DMTF1: variants seen among roughly 807,000 people sequenced by gnomAD.
The protein encoded by DMTF1 is cyclin-D-binding Myb-like transcription factor 1.
A neutral mutation model predicts 91.1 loss-of-function variants in DMTF1; 39 were observed. That is an observed-to-expected ratio of 0.43 (90% CI 0.33 to 0.56). DMTF1 has a LOEUF of 0.56. Among genes scored for constraint, DMTF1 ranks in the 20% least tolerant of loss-of-function variants. The pLI is 0.05. For synonymous variants in DMTF1, 338 were observed against 309.5 expected (o/e 1.09, Z -0.97); for missense variants, 750 against 914.5 (o/e 0.82, Z 2.32).
rs765913374 is a variant in DMTF1 at position 87,188,262 on chromosome 7, A to G, written c.1372A>G (p.Met458Val). 4.3e-6 allele frequency: 7 copies of G among 1,613,794 alleles called. No homozygotes were observed. In the African/African-American group the frequency reaches 8.0e-5, roughly 18 times the overall value. The part of the protein sequence containing the change: ...EDNTAISSSP[M>V]AALQIPVQIT... The stretch of plus-strand genomic sequence containing the variant: ...TAATACAGCCATCTCTTCTAGCCCC[A>G]TGGCAGCATTGCAGATTCCAGTCCA... Residue 458 changes from methionine (M) to valine (V), a missense_variant, in exon 13 of 18, where the codon ATG becomes GTG. Coordinates refer to ENST00000331242, the MANE Select transcript of DMTF1 (RefSeq NM_001142327.2).
intron 1 of DMTF1, among the ~76,000 whole-genome samples, chr7:87,153,236 CTT>C: frequency 6.6e-6 from 1 of 152,218 alleles, no homozygotes; most frequent in East Asian, 1.9e-4. Context: ...GTCTGACTCT[CTT>C]TAAAGAAGGG....
At chr7:87,177,917 C>G (rs1796577361) in intron 7 of DMTF1, among the ~76,000 whole-genome samples, 1 of 152,118 alleles carries the variant, frequency 6.6e-6, no homozygotes, top group Non-Finnish European at 1.5e-5. Context: ...CTTCAGAAAT[C>G]CCAATATCTG....
intron 12 of DMTF1, chr7:87,186,252 G>A (rs1015134696): frequency 7.9e-6 from 3 of 381,696 alleles, no homozygotes; most frequent in Non-Finnish European, 1.4e-5. Flanking sequence ...GCCACATAAC[G>A]ATTTAATTTT....
At chr7:87,191,844 C>T (rs558361570) in intron 14 of DMTF1, among the ~76,000 whole-genome samples, 90 of 152,192 alleles carry the variant, frequency 5.9e-4, no homozygotes, top group African/African-American at 1.7e-3. Context: ...ATTCATATTT[C>T]CTTAAGAAAA....
intron 1 of DMTF1, among the ~76,000 whole-genome samples, chr7:87,153,802 C>T (rs2041859958): frequency 2.0e-5 from 3 of 152,042 alleles, no homozygotes; most frequent in Admixed American, 6.5e-5. Context: ...ATTTTTAATT[C>T]GTGGGAGAAA....
Position 87,165,065 on chromosome 7 carries a change from T to C in DMTF1, c.109+15T>C, listed in dbSNP as rs2129070059. 3.2e-6 allele frequency: 5 copies of C among 1,563,382 alleles called. No homozygotes were observed. In the East Asian group the frequency reaches 1.1e-4, roughly 35 times the overall value. On this transcript the variant is annotated intron_variant, in intron 3 of 17. Coordinates refer to ENST00000331242, the MANE Select transcript of DMTF1 (RefSeq NM_001142327.2). The stretch of plus-strand genomic sequence containing the variant: ...CCCTCAGAATGGTAGGAGAACTTGC[T>C]GACATATAATTCTGACTCTCTGAAT...
chr7:87,171,080 A>T lies in DMTF1; in HGVS notation c.318A>T (p.Thr106=), dbSNP rs1168641085. ...ATGAGGTTACTGAGGGGACTGTGAC[A>T]CAGATACAGGTATAGTAAATCTTTT... The part of the protein sequence containing the change: ...ADDEVTEGTV[T]QIQILQNEQL... The change falls in exon 5 of 18, where the codon ACA becomes ACT. Residue 106 remains threonine (T), a synonymous_variant. Coordinates refer to ENST00000331242, the MANE Select transcript of DMTF1 (RefSeq NM_001142327.2). 3.7e-6 allele frequency: 6 copies of T among 1,601,396 alleles called. No homozygotes were observed. In the Admixed American group the frequency reaches 1.0e-4, roughly 27 times the overall value.
At chr7:87,179,194 A>G (rs1796858539) in intron 7 of DMTF1, among the ~76,000 whole-genome samples, 1 of 151,998 alleles carries the variant, frequency 6.6e-6, no homozygotes, top group Non-Finnish European at 1.5e-5. Context: ...ACCAATTTCT[A>G]GATTAGTTTA....
intron 14 of DMTF1, among the ~76,000 whole-genome samples, 160 bp downstream of exon 14, chr7:87,191,187 C>G (rs939016494): frequency 6.6e-6 from 1 of 152,094 alleles, no homozygotes; most frequent in South Asian, 2.1e-4. Flanking sequence ...CAGCTTTTCT[C>G]TCATCTGTAT....
chr7:87,161,264 G>A (rs1324664263), intron 1 of DMTF1, among the ~76,000 whole-genome samples: 2 of 152,146 alleles, frequency 1.3e-5, no homozygotes, highest in Admixed American at 1.3e-4. Flanking sequence ...TTGGGAGGCC[G>A]AGGCAAGTGG....
At chr7:87,154,068 T>C (rs1052810138) in intron 1 of DMTF1, among the ~76,000 whole-genome samples, 4 of 152,232 alleles carry the variant, frequency 2.6e-5, no homozygotes, top group Admixed American at 1.3e-4. Flanking sequence ...TTTGCTCTTA[T>C]GGTGTACTTA....
At position 87,181,033 on chromosome 7, in the gene DMTF1, A is replaced by C. The variant is rs1797258910; in HGVS notation, c.678-276A>C. On this transcript the variant is annotated intron_variant, in intron 8 of 17. Coordinates refer to ENST00000331242, the MANE Select transcript of DMTF1 (RefSeq NM_001142327.2). ...ACCAGCTAATTTTTCTGTTTTTGGT[A>C]GAGATGGGGTTTTGCCATGTTGGCC... Among the ~76,000 whole-genome samples, 2 of 152,054 alleles carry C rather than the reference A, an allele frequency of 1.3e-5. 1 individual carries two copies. The highest frequency in any genetic ancestry group is 4.2e-4 in the South Asian group (2 of 4,818).
At position 87,179,165 on chromosome 7, in the gene DMTF1, TAATG is replaced by T. The variant is rs537601516; in HGVS notation, c.520-379_520-376del. Among the ~76,000 whole-genome samples the T allele has an allele frequency of 5.3e-5, 8 of 152,234 alleles. No individual in the cohort carries two copies. The East Asian group carries it at 1.3e-3, about 26-fold the overall frequency. ...TAATCATTTCAAGTTTTATTAATCT[TAATG>T]GATGTTTTCAAAGAACCAATTTCTA... On this transcript the variant is annotated intron_variant, in intron 7 of 17. Coordinates refer to ENST00000331242, the MANE Select transcript of DMTF1 (RefSeq NM_001142327.2).
intron 1 of DMTF1, among the ~76,000 whole-genome samples, chr7:87,157,857 T>A (rs918873197): frequency 1.3e-5 from 2 of 151,932 alleles, no homozygotes; most frequent in African/African-American, 4.8e-5. Flanking sequence ...TTTTTTTTTT[T>A]AAGCCACCAG....
chr7:87,163,219 GT>G (rs200535180), intron 1 of DMTF1: 13,982 of 133,142 alleles, frequency 0.11, 909 homozygotes, highest in African/African-American at 0.21. Context: ...AGCTGAGCCT[GT>G]TTTTTTTTTT....
rs1470908468 is a variant in DMTF1 at position 87,156,838 on chromosome 7, T to C, written c.-132+4283T>C. On this transcript the variant is annotated intron_variant, in intron 1 of 17. Coordinates refer to ENST00000331242, the MANE Select transcript of DMTF1 (RefSeq NM_001142327.2). ...TAAGTAGTTTTTAAAGCATTAGTTA[T>C]ACAATGATAGAGTAATAGTCCATTT... is the stretch of plus-strand genomic sequence containing the variant. Among the ~76,000 whole-genome samples the C allele has an allele frequency of 3.3e-5, 5 of 152,272 alleles. No homozygotes were observed. In the East Asian group the frequency reaches 9.6e-4, roughly 29 times the overall value.
chr7:87,157,764 T>C (rs1791144283), intron 1 of DMTF1, among the ~76,000 whole-genome samples: 1 of 152,096 alleles, frequency 6.6e-6, no homozygotes, highest in Non-Finnish European at 1.5e-5. Context: ...TTCATCTTTT[T>C]CATTGGGAGC....
intron 1 of DMTF1, among the ~76,000 whole-genome samples, chr7:87,153,515 C>T (rs186953995): frequency 6.6e-6 from 1 of 152,246 alleles, no homozygotes; most frequent in East Asian, 1.9e-4. Flanking sequence ...ATATAAAATA[C>T]TCGGTGTAGA....
intron 7 of DMTF1, among the ~76,000 whole-genome samples, chr7:87,177,855 C>G (rs1218245944): frequency 6.6e-6 from 1 of 152,084 alleles, no homozygotes; most frequent in African/African-American, 2.4e-5. Flanking sequence ...TCTAGGTTTT[C>G]TAACTTGTTT....
Sources: gnomAD v4.1 joint callset for allele counts (sites outside exome capture counted in the v4.1 genomes callset) on GRCh38, gnomAD v4.1.1 for gene constraint, MANE v1.5 for transcripts, NCBI Gene and HGNC (gene_info 2026-07-23, HGNC 2026-07-21) for gene names.